MVB12B: variants seen among roughly 807,000 people sequenced by gnomAD.
The protein encoded by MVB12B is multivesicular body subunit 12B.
In MVB12B, 16 loss-of-function variants were observed where a neutral mutation model predicts 41.6. The ratio of observed to expected loss-of-function variants is 0.38; its 90% confidence interval spans 0.26 to 0.58. MVB12B has a LOEUF of 0.58. Among genes scored for constraint, MVB12B ranks in the 20% least tolerant of loss-of-function variants. The pLI is 0.62. For missense variants in MVB12B, 274 were observed against 380.2 expected (o/e 0.72, Z 2.32); for synonymous variants, 133 against 139.7 (o/e 0.95, Z 0.34).
At chr9:126,384,024 C>T (rs925686118) in intron 3 of MVB12B, among the ~76,000 whole-genome samples, 9 of 151,422 alleles carry the variant, frequency 5.9e-5, no homozygotes, top group African/African-American at 9.7e-5. Flanking sequence ...CATCCATCTG[C>T]GGGGCAGGAA....
At chr9:126,350,957 TC>T (rs1484192488) in intron 2 of MVB12B, among the ~76,000 whole-genome samples, 1 of 152,230 alleles carries the variant, frequency 6.6e-6, no homozygotes, top group Non-Finnish European at 1.5e-5. Context: ...TGATGTTAAA[TC>T]TGCATATCAA....
intron 2 of MVB12B, among the ~76,000 whole-genome samples, chr9:126,347,685 C>G (rs1829636640): frequency 6.6e-6 from 1 of 152,192 alleles, no homozygotes; most frequent in African/African-American, 2.4e-5. Context: ...AATGGTGATA[C>G]AAGTTCAAAC....
At chr9:126,454,404 GA>G (rs1832939218) in intron 7 of MVB12B, among the ~76,000 whole-genome samples, 1 of 152,216 alleles carries the variant, frequency 6.6e-6, no homozygotes, top group African/African-American at 2.4e-5. Flanking sequence ...TAGTGGGGCA[GA>G]ATTGATTTTT....
At chr9:126,373,589 A>G (rs1271054786) in intron 2 of MVB12B, among the ~76,000 whole-genome samples, 3 of 152,210 alleles carry the variant, frequency 2.0e-5, no homozygotes, top group Non-Finnish European at 4.4e-5. Flanking sequence ...CGGTGTGTAA[A>G]CAGATTGATG....
intron 7 of MVB12B, among the ~76,000 whole-genome samples, chr9:126,429,848 C>T (rs1832283628): frequency 6.6e-6 from 1 of 152,186 alleles, no homozygotes. Flanking sequence ...GTGCCTCCTC[C>T]TGGACTTCAC....
intron 6 of MVB12B, among the ~76,000 whole-genome samples, chr9:126,398,149 C>T (rs1264413142): frequency 6.6e-6 from 1 of 151,980 alleles, no homozygotes; most frequent in African/African-American, 2.4e-5. Context: ...GGACTTCTCT[C>T]CCGGGAAGCC....
In MVB12B at chr9:126,478,653, A is replaced by G. The variant is rs1335900599; in HGVS notation, c.758-2716A>G. On this transcript the variant is annotated intron_variant, in intron 7 of 9. Transcript: ENST00000361171. The surrounding 1 kb of genome is among the most constrained non-coding windows in gnomAD (Gnocchi z 4.2). ...GCCTTCAATGCCAGTCGAGACCCCCATCTTGGAAATCCTGCCCTTCTCTGT... is the reference window on the plus strand; with the variant it reads ...GCCTTCAATGCCAGTCGAGACCCCCGTCTTGGAAATCCTGCCCTTCTCTGT... Among the ~76,000 whole-genome samples the G allele has an allele frequency of 6.6e-6, 1 of 152,092 alleles. No individual in the cohort carries two copies. The highest frequency in any genetic ancestry group is 6.5e-5 in the Admixed American group (1 of 15,282).
At chr9:126,501,821 C>T (rs1004375408) in intron 9 of MVB12B, among the ~76,000 whole-genome samples, 2 of 152,244 alleles carry the variant, frequency 1.3e-5, no homozygotes, top group African/African-American at 2.4e-5. Context: ...GCAGGCGGCT[C>T]GCTCTGGGCA....
At chr9:126,404,623 C>T (rs1182656738) in intron 6 of MVB12B, among the ~76,000 whole-genome samples, 1 of 152,232 alleles carries the variant, frequency 6.6e-6, no homozygotes, top group African/African-American at 2.4e-5. Flanking sequence ...ACAGAGGCCC[C>T]TCTGGTCAGA....
At chr9:126,446,769 C>G (rs1434449356) in intron 7 of MVB12B, among the ~76,000 whole-genome samples, 1 of 151,320 alleles carries the variant, frequency 6.6e-6, no homozygotes, top group African/African-American at 2.4e-5. Flanking sequence ...ATTAATATAC[C>G]TATAGTCATA....
rs553820963 is a variant in MVB12B, at chr9:126,410,353, T to A, written c.663-11501T>A. Among the ~76,000 whole-genome samples, 4 of 152,338 alleles carry A rather than the reference T, an allele frequency of 2.6e-5. No individual in the cohort carries two copies. The South Asian group carries it at 8.3e-4, about 32-fold the overall frequency. On this transcript the variant is annotated intron_variant, in intron 6 of 9. Coordinates refer to ENST00000361171, the MANE Select transcript of MVB12B (RefSeq NM_033446.3). The stretch of plus-strand genomic sequence containing the variant: ...CCTGTGTCATCTCAGTAAAGCAACA[T>A]GGCATGGTGGAAAGAGCATGAACGC...
intron 6 of MVB12B, among the ~76,000 whole-genome samples, chr9:126,413,818 T>TTGTGTGTGTGTG (rs34089808): frequency 0.076 from 8,340 of 109,340 alleles, 299 homozygotes; most frequent in African/African-American, 0.087. Context: ...ACCCCATTGG[T>TTGTGTGTGTGTG]TGTGTGTGTG....
intron 7 of MVB12B, among the ~76,000 whole-genome samples, chr9:126,423,003 G>A (rs541456499): frequency 6.6e-6 from 1 of 152,290 alleles, no homozygotes; most frequent in Admixed American, 6.5e-5. Context: ...GAGGGAACGT[G>A]TTTGTCTAAG....
chr9:126,400,621 C>T (rs568519759), intron 6 of MVB12B, among the ~76,000 whole-genome samples: 1 of 152,324 alleles, frequency 6.6e-6, no homozygotes, highest in South Asian at 2.1e-4. Flanking sequence ...GCAGGGAGGG[C>T]ACAGAGCAGT....
intron 7 of MVB12B, among the ~76,000 whole-genome samples, chr9:126,463,377 C>T (rs760024954): frequency 1.2e-4 from 19 of 152,238 alleles, no homozygotes; most frequent in Non-Finnish European, 1.9e-4. Context: ...CTGAGAAGTC[C>T]GGTATTTCTG....
At chr9:126,484,122 A>G in intron 9 of MVB12B, 90 bp downstream of exon 9, 2 of 1,219,702 alleles carry the variant, frequency 1.6e-6, no homozygotes, top group Non-Finnish European at 2.4e-6. Flanking sequence ...GATCCACTCC[A>G]AGAGAGGGAC....
At chr9:126,411,393 C>G (rs1416806034) in intron 6 of MVB12B, among the ~76,000 whole-genome samples, 1 of 152,160 alleles carries the variant, frequency 6.6e-6, no homozygotes, top group Non-Finnish European at 1.5e-5. Flanking sequence ...GTGCCTAGCA[C>G]ACAGTAGGAG....
rs1310685244 is a variant in MVB12B, at chr9:126,486,392, C to T, written c.873+2360C>T. On this transcript the variant is annotated intron_variant, in intron 9 of 9. Transcript: ENST00000361171. The surrounding 1 kb of genome is among the most constrained non-coding windows in gnomAD (Gnocchi z 4.7). ...GAAGGCCTCAGAGGAGCTGCTGCTG[C>T]CACAGGTGGTCACCAGGGCAGAGGT... is the stretch of plus-strand genomic sequence containing the variant. 6.6e-6 allele frequency among the ~76,000 whole-genome samples: 1 copy of T among 152,180 alleles called. No homozygotes were observed. The highest frequency in any genetic ancestry group is 1.9e-4 in the East Asian group (1 of 5,172).
At chr9:126,410,806 T>C (rs1239294859) in intron 6 of MVB12B, among the ~76,000 whole-genome samples, 3 of 152,126 alleles carry the variant, frequency 2.0e-5, no homozygotes, top group Non-Finnish European at 4.4e-5. Flanking sequence ...ATGGCTCCCA[T>C]GTCCCTGGAT....
Sources: allele counts gnomAD v4.1 joint callset (sites outside exome capture counted in the v4.1 genomes callset), GRCh38; gene constraint gnomAD v4.1.1; non-coding constraint Gnocchi (gnomAD v3.1); transcripts MANE v1.5; gene names NCBI Gene and HGNC (gene_info 2026-07-23, HGNC 2026-07-21).